PCDHGA8: variants seen among roughly 807,000 people sequenced by gnomAD.
PCDHGA8 encodes protocadherin gamma subfamily A, 8.
In PCDHGA8, 45 loss-of-function variants were observed where a neutral mutation model predicts 59.2. That is an observed-to-expected ratio of 0.76 (90% CI 0.60 to 0.98). The LOEUF (loss-of-function observed/expected upper bound fraction) is 0.98, where lower values mean the gene tolerates loss of function less well. Ranked by LOEUF, PCDHGA8 falls within the 50% of genes least tolerant of loss-of-function variation. PCDHGA8 has a pLI of 0.00. For missense variants in PCDHGA8, 1,257 were observed against 1,196.2 expected (o/e 1.05, Z -0.75); for synonymous variants, 531 against 519.0 (o/e 1.02, Z -0.32).
intron 1 of PCDHGA8, among the ~76,000 whole-genome samples, chr5:141,482,689 C>T (rs145383957): frequency 7.1e-6 from 1 of 140,984 alleles, no homozygotes; most frequent in East Asian, 1.9e-4. Flanking sequence ...GCTTGTCAGA[C>T]AGTAAAGGGG....
At chr5:141,434,952 C>T (rs1362599956) in intron 1 of PCDHGA8, among the ~76,000 whole-genome samples, 2 of 151,756 alleles carry the variant, frequency 1.3e-5, no homozygotes, top group East Asian at 3.9e-4. Flanking sequence ...AATTTATTAA[C>T]AATTTATAAA....
Position 141,393,664 on chromosome 5 carries a change from T to A in PCDHGA8, c.851T>A (p.Ile284Asn). Residue 284 changes from isoleucine (I) to asparagine (N), a missense_variant, in exon 1 of 4, where the codon ATT (isoleucine) becomes AAT (asparagine). Coordinates refer to ENST00000398604, the MANE Select transcript of PCDHGA8 (RefSeq NM_032088.2). ...NGKVAYKFRK[I>N]NEKQTPLFQL... is the part of the protein sequence containing the mutation. ...AAAGTGGCATACAAATTCCGGAAAA[T>A]TAATGAAAAACAAACTCCGTTATTC... The A allele has an allele frequency of 6.2e-7, 1 of 1,613,772 alleles. No individual in the cohort carries two copies.
intron 2 of PCDHGA8, among the ~76,000 whole-genome samples, chr5:141,500,428 C>G (rs1224554560): frequency 6.6e-6 from 1 of 151,836 alleles, no homozygotes; most frequent in African/African-American, 2.4e-5. Context: ...CCAGGATGGT[C>G]TCGATCTCCT....
intron 1 of PCDHGA8, among the ~76,000 whole-genome samples, chr5:141,464,426 GAT>G (rs1287556960): frequency 6.6e-6 from 1 of 151,096 alleles, no homozygotes; most frequent in African/African-American, 2.4e-5. Context: ...TATATATATA[GAT>G]ATATATGTTT....
Position 141,409,704 on chromosome 5 carries a change from T to C in PCDHGA8, c.2424+14467T>C. ...GCGAGTGACCTAGAGCCCCTGGCGG[T>C]GTCGTCATACGTGTCAGTGAGCGCG... On this transcript the variant is annotated intron_variant, in intron 1 of 3. Transcript: ENST00000398604. 6.2e-7 allele frequency: 1 copy of C among 1,613,248 alleles called. No homozygotes were observed. Among genetic ancestry groups the C allele is most frequent in the South Asian group, 1.1e-5 (1 of 91,072 alleles).
intron 1 of PCDHGA8, among the ~76,000 whole-genome samples, chr5:141,436,613 A>C (rs1334315821): frequency 1.3e-5 from 2 of 152,206 alleles, no homozygotes; most frequent in Non-Finnish European, 2.9e-5. Flanking sequence ...AGGGCTAACA[A>C]AAATCTGATT....
intron 1 of PCDHGA8, among the ~76,000 whole-genome samples, chr5:141,461,824 T>C (rs958063237): frequency 1.3e-5 from 2 of 151,968 alleles, no homozygotes; most frequent in African/African-American, 4.8e-5. Flanking sequence ...CAGCTAATTT[T>C]TTTTTCTTTT....
Position 141,404,841 on chromosome 5 carries a change from G to A in PCDHGA8, c.2424+9604G>A, listed in dbSNP as rs765291212. The stretch of plus-strand genomic sequence containing the variant: ...CACACAGGTGAAGTGCGCACAGCTC[G>A]GGCCCTGCTAGATAGAGATGCGCTC... On this transcript the variant is annotated intron_variant, in intron 1 of 3. Coordinates refer to ENST00000398604, the MANE Select transcript of PCDHGA8 (RefSeq NM_032088.2). 1.1e-5 allele frequency: 17 copies of A among 1,613,886 alleles called. No individual in the cohort carries two copies. Among genetic ancestry groups the A allele is most frequent in the Non-Finnish European group, 1.4e-5 (16 of 1,179,920 alleles).
rs1219684339 is a variant in PCDHGA8, at chr5:141,506,444, CAA to C, written c.2572+983_2572+984del. Among the ~76,000 whole-genome samples the C allele has an allele frequency of 5.9e-3, 564 of 95,004 alleles. 2 individuals carry two copies. The highest frequency in any genetic ancestry group is 0.013 in the African/African-American group (317 of 25,186). 62.3% of individuals were successfully genotyped at this position (95,004 alleles called of 152,430 possible). Reference sequence around the variant, plus strand: ...CCTGGGCAACAGTCTCGCTCTGTCTCAAAAAAAAAAAAAAAAAAAAAGAGCAC... The same window carrying C: ...CCTGGGCAACAGTCTCGCTCTGTCTCAAAAAAAAAAAAAAAAAAAGAGCAC... On this transcript the variant is annotated intron_variant, in intron 3 of 3. Transcript: ENST00000398604.
chr5:141,435,296 T>A (rs545583818), intron 1 of PCDHGA8, among the ~76,000 whole-genome samples: 44 of 152,328 alleles, frequency 2.9e-4, no homozygotes, highest in African/African-American at 9.9e-4. Context: ...AGTCATTTCA[T>A]GGTTTTAAAT....
At chr5:141,503,598 CAAAAAAA>C (rs765754054) in intron 2 of PCDHGA8, among the ~76,000 whole-genome samples, 8 of 65,766 alleles carry the variant, frequency 1.2e-4, no homozygotes, top group South Asian at 1.1e-3. Context: ...GACTCCAGCT[CAAAAAAA>C]AAAAAAAAAG....
chr5:141,496,287 C>T (rs768553690), intron 2 of PCDHGA8, among the ~76,000 whole-genome samples: 3 of 152,200 alleles, frequency 2.0e-5, no homozygotes, highest in Non-Finnish European at 4.4e-5. Flanking sequence ...TTGGTCTGAG[C>T]AGAGTGGGAT....
In PCDHGA8 at chr5:141,432,540, T is replaced by C. The variant is rs147884705; in HGVS notation, c.2424+37303T>C. The C allele has an allele frequency of 1.2e-6, 2 of 1,613,726 alleles. No homozygotes were observed. The highest frequency in any genetic ancestry group is 2.2e-5 in the South Asian group (2 of 91,058). On this transcript the variant is annotated intron_variant, in intron 1 of 3. Transcript: ENST00000398604. The surrounding 1 kb of genome is among the most constrained non-coding windows in gnomAD (Gnocchi z 6.0). ...TACCTGGTGACCAAGGTGGTGGCGG[T>C]GGACAGAGACTCCGGCCAGAACGCC...
intron 1 of PCDHGA8, among the ~76,000 whole-genome samples, chr5:141,471,014 G>A (rs2099246573): frequency 6.7e-6 from 1 of 148,628 alleles, no homozygotes; most frequent in Non-Finnish European, 1.5e-5. Context: ...ACTGTGCCTG[G>A]TCAATCATTT....
In PCDHGA8 at chr5:141,486,645, C is replaced by G. The variant is rs369948556; in HGVS notation, c.2425-8162C>G. ...GACTCTGGCTTGAATGCGCTTATCT[C>G]CTACTCACTCCTGGAGCCCAGGAAT... On this transcript the variant is annotated intron_variant, in intron 1 of 3. Coordinates refer to ENST00000398604, the MANE Select transcript of PCDHGA8 (RefSeq NM_032088.2). The surrounding 1 kb of genome is among the most constrained non-coding windows in gnomAD (Gnocchi z 5.0). 4.3e-6 allele frequency: 7 copies of G among 1,613,752 alleles called. No individual in the cohort carries two copies. The Admixed American group carries it at 6.7e-5, about 15-fold the overall frequency.
chr5:141,440,883 T>C (rs1435173649), intron 1 of PCDHGA8: 4 of 152,178 alleles, frequency 2.6e-5, no homozygotes, highest in Non-Finnish European at 5.9e-5. Flanking sequence ...AGCGTCGGCC[T>C]TCAGGAAGAT....
chr5:141,485,278 C>T lies in PCDHGA8; in HGVS notation c.2425-9529C>T. On this transcript the variant is annotated intron_variant, in intron 1 of 3. Transcript: ENST00000398604. The surrounding 1 kb of genome is among the most constrained non-coding windows in gnomAD (Gnocchi z 5.7). ...TTTGTGGGCAGATCCGCTACCCGGTCCCAGAGGAGTCACAGGAAGGGACTT... is the reference window on the plus strand; with the variant it reads ...TTTGTGGGCAGATCCGCTACCCGGTTCCAGAGGAGTCACAGGAAGGGACTT... 1 of 1,614,064 alleles carries T rather than the reference C, an allele frequency of 6.2e-7. No homozygotes were observed. The highest frequency in any genetic ancestry group is 1.1e-5 in the South Asian group (1 of 91,080).
rs143779180 is a variant in PCDHGA8, at chr5:141,485,438, C to T, written c.2425-9369C>T. Reference sequence around the variant, plus strand: ...CAGCGGAGCCCTGCTCATCAAGAACCCAATCGACCGAGAGGCACTGTGTGG... The same window carrying T: ...CAGCGGAGCCCTGCTCATCAAGAACTCAATCGACCGAGAGGCACTGTGTGG... On this transcript the variant is annotated intron_variant, in intron 1 of 3. Transcript: ENST00000398604. This position sits in a 1 kb window ranked among gnomAD's most constrained non-coding sequence, Gnocchi z 5.7. 2.9e-5 allele frequency: 47 copies of T among 1,614,052 alleles called. No individual in the cohort carries two copies. The highest frequency in any genetic ancestry group is 4.0e-5 in the African/African-American group (3 of 74,924).
intron 3 of PCDHGA8, among the ~76,000 whole-genome samples, chr5:141,506,567 T>G (rs2099855029): frequency 6.6e-6 from 1 of 152,182 alleles, no homozygotes; most frequent in Non-Finnish European, 1.5e-5. Flanking sequence ...CCCCCTCGGT[T>G]TCACTTACTA....
Sources: gnomAD v4.1 joint callset for allele counts (sites outside exome capture counted in the v4.1 genomes callset) on GRCh38, gnomAD v4.1.1 for gene constraint, Gnocchi (gnomAD v3.1) non-coding constraint, MANE v1.5 for transcripts, NCBI Gene and HGNC (gene_info 2026-07-23, HGNC 2026-07-21) for gene names.